Variants in PDE4D observed in about 807,000 individuals in gnomAD.
PDE4D encodes phosphodiesterase 4D, also known as 3',5'-cyclic-AMP phosphodiesterase 4D.
A neutral mutation model predicts 87.4 loss-of-function variants in PDE4D; 24 were observed. The ratio of observed to expected loss-of-function variants is 0.27; its 90% CI spans 0.20 to 0.39. The LOEUF is 0.39. PDE4D is among the 10% of genes least tolerant of loss of function. PDE4D has a pLI of 1.00. For missense variants in PDE4D, 714 were observed against 1,041.0 expected (o/e 0.69, Z 4.32); for synonymous variants, 384 against 383.2 (o/e 1.00, Z -0.02).
chr5:60,143,451 A>T (rs1780712545), intron 2 of PDE4D, among the ~76,000 whole-genome samples: 1 of 152,188 alleles, frequency 6.6e-6, no homozygotes. Context: ...ACTCACTACC[A>T]ATCTGGATTT....
chr5:59,005,779 C>G (rs1751483859), intron 6 of PDE4D, among the ~76,000 whole-genome samples: 1 of 152,314 alleles, frequency 6.6e-6, no homozygotes, highest in Non-Finnish European at 1.5e-5. Flanking sequence ...TATTCAATAA[C>G]TTGCTCCATA....
chr5:60,003,064 T>C (rs1281172429), intron 2 of PDE4D, among the ~76,000 whole-genome samples: 2 of 152,104 alleles, frequency 1.3e-5, no homozygotes, highest in African/African-American at 2.4e-5. Context: ...ATTTACAAGA[T>C]ATAAAATCAA....
At chr5:59,903,772 G>A (rs1207213262) in intron 3 of PDE4D, among the ~76,000 whole-genome samples, 1 of 152,174 alleles carries the variant, frequency 6.6e-6, no homozygotes, top group African/African-American at 2.4e-5. Flanking sequence ...AAGACTGCCA[G>A]TTTCAAAGCT....
chr5:59,210,546 C>T (rs761695484), intron 2 of PDE4D, among the ~76,000 whole-genome samples: 1 of 152,176 alleles, frequency 6.6e-6, no homozygotes, highest in Non-Finnish European at 1.5e-5. Context: ...TGGGGCACCC[C>T]GAAGGCCTGA....
chr5:59,337,487 T>C (rs1777913719), intron 1 of PDE4D, among the ~76,000 whole-genome samples: 1 of 151,974 alleles, frequency 6.6e-6, no homozygotes, highest in African/African-American at 2.4e-5. Flanking sequence ...AGGTCATAAA[T>C]AGGAGCAGTC....
rs1404960681 is a variant in PDE4D at position 60,439,925 on chromosome 5, A to AC, written c.-90+48016_-90+48017insG. On this transcript the variant is annotated intron_variant, in intron 1 of 16. Coordinates refer to the PDE4D transcript ENST00000502484. The stretch of plus-strand genomic sequence containing the variant: ...AAGGCTTTCCATTGTTTAAAAAAAA[A>AC]AACAAAAAAAAAAAACCCTAAACTG... Among the ~76,000 whole-genome samples the AC allele has an allele frequency of 2.5e-3, 326 of 132,688 alleles. 1 individual carries two copies. Among genetic ancestry groups the AC allele is most frequent in the African/African-American group, 9.3e-3 (283 of 30,506 alleles). The allele number at this position is 132,688 out of a possible 152,430, so 87.0% of individuals were successfully genotyped here.
chr5:59,493,219 A>G (rs1806544640), intron 1 of PDE4D, among the ~76,000 whole-genome samples: 1 of 152,184 alleles, frequency 6.6e-6, no homozygotes, highest in Non-Finnish European at 1.5e-5. Flanking sequence ...GACTATTCTA[A>G]AAAGAATGAA....
chr5:59,431,289 A>T (rs1276069348), intron 1 of PDE4D, among the ~76,000 whole-genome samples: 1 of 152,182 alleles, frequency 6.6e-6, no homozygotes, highest in Non-Finnish European at 1.5e-5. Context: ...GCAGGGTCTT[A>T]GAGAAATGCT....
At chr5:60,251,513 T>A (rs1318778983) in intron 1 of PDE4D, among the ~76,000 whole-genome samples, 1 of 152,008 alleles carries the variant, frequency 6.6e-6, no homozygotes, top group Non-Finnish European at 1.5e-5. Flanking sequence ...TCCAGCTCCA[T>A]CTATATTCCC....
chr5:60,118,708 C>T (rs1778393769), intron 2 of PDE4D, among the ~76,000 whole-genome samples: 1 of 151,880 alleles, frequency 6.6e-6, no homozygotes, highest in Non-Finnish European at 1.5e-5. Flanking sequence ...ACCATTTTTG[C>T]CTGACACTTA....
Position 59,101,415 on chromosome 5 carries a change from A to T in PDE4D, c.809-62444T>A, listed in dbSNP as rs6894694. On this transcript the variant is annotated intron_variant, in intron 5 of 14. Transcript: ENST00000340635. ...AATAAGAAGGGGGAAATTTTGTCAC[A>T]CTCTTTCTCCAAAGAAAAAGATGAC... 5.2e-3 allele frequency among the ~76,000 whole-genome samples: 795 copies of T among 152,174 alleles called. 7 individuals are homozygous for T. Among genetic ancestry groups the T allele is most frequent in the African/African-American group, 0.017 (706 of 41,540 alleles).
rs186292250 is a variant in PDE4D, at chr5:59,177,491, G to A, written c.808+3104C>T. ...AGGCACTATGCTAAGGGCATCATGC[G>A]TGTTCACTCATTCAAGCCAGCAACA... On this transcript the variant is annotated intron_variant, in intron 5 of 14. Coordinates refer to ENST00000340635, the MANE Select transcript of PDE4D (RefSeq NM_001104631.2). Among the ~76,000 whole-genome samples, 437 of 152,294 alleles carry A rather than the reference G, an allele frequency of 2.9e-3. 1 individual carries two copies. The highest frequency in any genetic ancestry group is 1.0e-2 in the African/African-American group (414 of 41,564).
At chr5:60,379,587 G>A (rs1761703094) in intron 1 of PDE4D, among the ~76,000 whole-genome samples, 1 of 152,162 alleles carries the variant, frequency 6.6e-6, no homozygotes, top group South Asian at 2.1e-4. Context: ...CTAGAAAGCA[G>A]AACCAAAATA....
intron 2 of PDE4D, among the ~76,000 whole-genome samples, chr5:60,002,406 C>G (rs979292896): frequency 6.6e-6 from 1 of 152,024 alleles, no homozygotes; most frequent in Non-Finnish European, 1.5e-5. Flanking sequence ...GGAACACTTC[C>G]AAATTCATTT....
intron 3 of PDE4D, among the ~76,000 whole-genome samples, chr5:59,935,678 T>C (rs916113378): frequency 5.3e-5 from 8 of 152,198 alleles, no homozygotes; most frequent in Admixed American, 4.6e-4. Context: ...TAAAACCAAC[T>C]ATATCCTTGT....
At chr5:59,385,064 C>G (rs928928847) in intron 1 of PDE4D, among the ~76,000 whole-genome samples, 1 of 152,132 alleles carries the variant, frequency 6.6e-6, no homozygotes, top group Non-Finnish European at 1.5e-5. Context: ...CTCAGATGCT[C>G]TAGCAAATTG....
chr5:60,071,701 C>A (rs533787785), intron 2 of PDE4D, among the ~76,000 whole-genome samples: 1 of 151,852 alleles, frequency 6.6e-6, no homozygotes, highest in South Asian at 2.1e-4. Flanking sequence ...AGTTGCTAAG[C>A]CTAGTTTCCA....
At position 59,684,488 on chromosome 5, in the gene PDE4D, C is replaced by T. The variant is rs539984900; in HGVS notation, c.455+208680G>A. The stretch of plus-strand genomic sequence containing the variant: ...TACAAAAGAGAATGGTAATTATTAG[C>T]CACTAGGTTGTACAGAGTAACCTTC... On this transcript the variant is annotated intron_variant, in intron 1 of 14. Transcript: ENST00000340635. Among the ~76,000 whole-genome samples the T allele has an allele frequency of 3.8e-3, 573 of 152,168 alleles. 1 individual carries two copies. The highest frequency in any genetic ancestry group is 6.6e-3 in the Non-Finnish European group (449 of 68,006).
intron 1 of PDE4D, among the ~76,000 whole-genome samples, chr5:59,331,480 A>G (rs1278045524): frequency 6.6e-6 from 1 of 152,056 alleles, no homozygotes; most frequent in East Asian, 1.9e-4. Context: ...AAAATCACCT[A>G]TTTACAGGCT....
Sources: gnomAD v4.1 joint callset for allele counts (sites outside exome capture counted in the v4.1 genomes callset) on GRCh38, gnomAD v4.1.1 for gene constraint, MANE v1.5 for transcripts, NCBI Gene and HGNC (gene_info 2026-07-23, HGNC 2026-07-21) for gene names.